GRM5: variants seen among roughly 807,000 people sequenced by gnomAD.
The protein encoded by GRM5 is glutamate metabotropic receptor 5.
A neutral mutation model predicts 83.1 loss-of-function variants in GRM5; 19 were observed. The ratio of observed to expected loss-of-function variants is 0.23; its 90% confidence interval spans 0.16 to 0.34. GRM5 has a LOEUF of 0.34. GRM5 is among the 10% of genes least tolerant of loss of function. GRM5 has a pLI of 1.00. For missense variants in GRM5, 1,160 were observed against 1,588.3 expected, an observed-to-expected ratio of 0.73 and a Z score of 4.58; for synonymous variants, 675 against 633.6, an observed-to-expected ratio of 1.07 and a Z score of -0.98.
chr11:88,693,534 G>A (rs1463154089), intron 3 of GRM5, among the ~76,000 whole-genome samples: 1 of 152,160 alleles, frequency 6.6e-6, no homozygotes, highest in Non-Finnish European at 1.5e-5. Context: ...ACACTAGGCT[G>A]GGAGCTTAGT....
At chr11:88,680,999 A>C (rs1188052794) in intron 3 of GRM5, among the ~76,000 whole-genome samples, 2 of 152,150 alleles carry the variant, frequency 1.3e-5, no homozygotes, top group East Asian at 3.9e-4. Flanking sequence ...GGTTTTTGTA[A>C]GATATCCTCA....
intron 5 of GRM5, 26 bp downstream of exon 5, chr11:88,604,692 T>C: frequency 6.3e-7 from 1 of 1,588,436 alleles, no homozygotes; most frequent in Admixed American, 1.7e-5. Flanking sequence ...GTCTCTACTC[T>C]GCAGAGGAGA....
intron 3 of GRM5, among the ~76,000 whole-genome samples, chr11:88,658,043 C>G (rs1034036153): frequency 6.6e-6 from 1 of 152,138 alleles, no homozygotes; most frequent in Non-Finnish European, 1.5e-5. Flanking sequence ...TGTTCGGAAC[C>G]TGGCTGCACA....
intron 3 of GRM5, among the ~76,000 whole-genome samples, chr11:88,825,080 G>C (rs1590887830): frequency 6.6e-6 from 1 of 152,110 alleles, no homozygotes; most frequent in East Asian, 1.9e-4. Context: ...ACATTTCTTA[G>C]TGCCTTGGTC....
At chr11:88,860,349 A>G (rs1296005150) in intron 2 of GRM5, among the ~76,000 whole-genome samples, 2 of 152,114 alleles carry the variant, frequency 1.3e-5, no homozygotes, top group African/African-American at 2.4e-5. Flanking sequence ...ACAGCTGAAG[A>G]CTTCGGTGCA....
chr11:88,985,306 T>C (rs1384143733), intron 2 of GRM5, among the ~76,000 whole-genome samples: 1 of 152,118 alleles, frequency 6.6e-6, no homozygotes, highest in Non-Finnish European at 1.5e-5. Flanking sequence ...ATAATAAAAA[T>C]CCTTTGAATG....
At chr11:89,016,339 G>A (rs567301715) in intron 2 of GRM5, among the ~76,000 whole-genome samples, 54 of 150,586 alleles carry the variant, frequency 3.6e-4, no homozygotes, top group African/African-American at 1.3e-3. Context: ...TATGTGCATG[G>A]GAATAATGGT....
intron 3 of GRM5, among the ~76,000 whole-genome samples, chr11:88,666,540 C>T (rs1182347870): frequency 1.3e-5 from 2 of 152,212 alleles, no homozygotes; most frequent in Non-Finnish European, 2.9e-5. Flanking sequence ...ATAACCCAAA[C>T]ATCTCCCACT....
At chr11:88,876,720 G>T (rs1208264792) in intron 2 of GRM5, among the ~76,000 whole-genome samples, 1 of 152,038 alleles carries the variant, frequency 6.6e-6, no homozygotes. Context: ...CAACAGGGAA[G>T]CCCCAAGGAG....
intron 2 of GRM5, among the ~76,000 whole-genome samples, chr11:89,023,897 AAAT>A: frequency 1.3e-5 from 2 of 149,074 alleles, no homozygotes; most frequent in African/African-American, 2.5e-5. Flanking sequence ...AAATAAATAA[AAAT>A]AAATTTTAAA....
intron 2 of GRM5, among the ~76,000 whole-genome samples, chr11:88,996,988 A>G (rs1365520472): frequency 6.6e-6 from 1 of 152,252 alleles, no homozygotes; most frequent in Non-Finnish European, 1.5e-5. Context: ...CAGCTAACAC[A>G]GTGCTGAGAA....
chr11:88,536,366 C>G (rs576904888), intron 8 of GRM5, among the ~76,000 whole-genome samples: 16 of 152,288 alleles, frequency 1.1e-4, no homozygotes, highest in African/African-American at 3.4e-4. Flanking sequence ...AATCCTGGCT[C>G]AACTCAGTGA....
At chr11:88,703,744 A>T (rs1941090134) in intron 3 of GRM5, among the ~76,000 whole-genome samples, 1 of 152,078 alleles carries the variant, frequency 6.6e-6, no homozygotes, top group Non-Finnish European at 1.5e-5. Context: ...AGTGGGAAGG[A>T]TCAAACTATA....
intron 8 of GRM5, among the ~76,000 whole-genome samples, chr11:88,548,544 T>C (rs1942432421): frequency 6.6e-6 from 1 of 152,206 alleles, no homozygotes; most frequent in East Asian, 1.9e-4. Context: ...TAGTCTTTAA[T>C]AGCTCCACAA....
At chr11:88,601,868 GT>G (rs1374896664) in intron 5 of GRM5, among the ~76,000 whole-genome samples, 1 of 152,120 alleles carries the variant, frequency 6.6e-6, no homozygotes, top group African/African-American at 2.4e-5. Context: ...CTCTGCCATT[GT>G]GGTGTACAAG....
intron 2 of GRM5, among the ~76,000 whole-genome samples, chr11:88,889,740 A>G (rs1450591869): frequency 6.6e-6 from 1 of 152,062 alleles, no homozygotes; most frequent in African/African-American, 2.4e-5. Context: ...ATCTTTCTCC[A>G]TTTTATTTCT....
At chr11:88,556,469 C>T (rs1038390530) in intron 8 of GRM5, among the ~76,000 whole-genome samples, 1 of 151,812 alleles carries the variant, frequency 6.6e-6, no homozygotes, top group Admixed American at 6.6e-5. Flanking sequence ...ATTACAGGTG[C>T]CCACCATCAT....
At chr11:88,822,694 A>T (rs1346671679) in intron 3 of GRM5, among the ~76,000 whole-genome samples, 1 of 151,986 alleles carries the variant, frequency 6.6e-6, no homozygotes, top group African/African-American at 2.4e-5. Flanking sequence ...AATGTGGTAC[A>T]TCTTTCCCTT....
At chr11:88,936,352 C>A (rs1937894378) in intron 2 of GRM5, among the ~76,000 whole-genome samples, 1 of 151,728 alleles carries the variant, frequency 6.6e-6, no homozygotes, top group Non-Finnish European at 1.5e-5. Context: ...TGTTTTAAGC[C>A]TAAGTGAAAA....
Sources: allele counts gnomAD v4.1 joint callset (sites outside exome capture counted in the v4.1 genomes callset), GRCh38; gene constraint gnomAD v4.1.1; transcripts MANE v1.5; gene names NCBI Gene and HGNC (gene_info 2026-07-23, HGNC 2026-07-21).